The following MPRIP variants were observed in gnomAD, a reference collection of about 807,000 sequenced individuals.
MPRIP encodes the protein myosin phosphatase Rho interacting protein, also known as myosin phosphatase Rho-interacting protein.
A neutral mutation model predicts 234.9 loss-of-function variants in MPRIP; 59 were observed. That is an observed-to-expected ratio of 0.25 (90% CI 0.20 to 0.31). The LOEUF (loss-of-function observed/expected upper bound fraction) is 0.31, where lower values mean the gene tolerates loss of function less well. Ranked by LOEUF, MPRIP falls within the 10% of genes least tolerant of loss-of-function variation. The probability of loss-of-function intolerance (pLI) is 1.00; values close to 1 mark genes in which losing one functional copy is unlikely to be tolerated. For missense variants in MPRIP, 2,436 were observed against 3,071.0 expected (o/e 0.79, Z 4.89); for synonymous variants, 1,144 against 1,263.9 (o/e 0.91, Z 2.01).
rs1410247145 is a variant in MPRIP, at chr17:17,164,386, G to A, written c.2795G>A (p.Gly932Asp). The change falls in exon 16 of 24, where the codon GGC becomes GAC. Residue 932 changes from glycine (G) to aspartate (D), a missense_variant. Gly to Asp is a moderately conservative substitution (Grantham distance 94). Around this residue, in one of 4 missense-constraint regions of MPRIP, gnomAD observed 1,998 missense variants for 2,520.3 expected, o/e 0.79. Transcript: ENST00000651222. Reference protein sequence around the residue: ...KLKGDLKREQGRVREQLEERQ... With the variant: ...KLKGDLKREQDRVREQLEERQ... ...AAGGGCGACCTGAAGCGGGAGCAGG[G>A]CCGGGTCCGCGAGCAGCTGGAGGAG... is the stretch of plus-strand genomic sequence containing the variant. 3 of 1,291,462 alleles carry A rather than the reference G, an allele frequency of 2.3e-6. No individual in the cohort carries two copies. Among genetic ancestry groups the A allele is most frequent in the South Asian group, 2.5e-5 (2 of 80,836 alleles). 80.0% of individuals were successfully genotyped at this position (1,291,462 alleles called of 1,614,324 possible).
rs1175485323 is a variant in MPRIP at position 17,185,528 on chromosome 17, TTTTG to T, written c.*642_*645del. The T allele has an allele frequency of 4.4e-6, 2 of 457,244 alleles. No individual in the cohort carries two copies. The highest frequency in any genetic ancestry group is 8.8e-6 in the Non-Finnish European group (2 of 227,110). 28.3% of individuals were successfully genotyped at this position (457,244 alleles called of 1,614,324 possible). On this transcript the variant is annotated 3_prime_UTR_variant, in exon 24 of 24. Coordinates refer to ENST00000651222, the MANE Select transcript of MPRIP (RefSeq NM_001364716.4). ...AAATGTTGAAAGCAACCATTCCTAT[TTTTG>T]TTTGTTTTTTATTAAATCTTGCACA... is the stretch of plus-strand genomic sequence containing the variant.
chr17:17,086,778 G>A (rs1242860041), intron 3 of MPRIP, among the ~76,000 whole-genome samples: 3 of 152,146 alleles, frequency 2.0e-5, no homozygotes, highest in African/African-American at 4.8e-5. Context: ...TGTAATTTAC[G>A]GTGACTCATG....
rs750506056 is a variant in MPRIP at position 17,154,284 on chromosome 17, G to A, written c.1720-22G>A. ...GCACCCTAGGGGACAGTCACTGATGGTGCCTCATCTTTTCTCTGTAGACAA... is the reference window on the plus strand; with the variant it reads ...GCACCCTAGGGGACAGTCACTGATGATGCCTCATCTTTTCTCTGTAGACAA... On this transcript the variant is annotated intron_variant, in intron 12 of 23. Coordinates refer to ENST00000651222, the MANE Select transcript of MPRIP (RefSeq NM_001364716.4). 1.6e-5 allele frequency: 25 copies of A among 1,608,876 alleles called. No individual in the cohort carries two copies. In the East Asian group the frequency reaches 5.6e-4, roughly 36 times the overall value.
At chr17:17,088,128 C>G (rs891822668) in intron 3 of MPRIP, among the ~76,000 whole-genome samples, 1 of 152,188 alleles carries the variant, frequency 6.6e-6, no homozygotes, top group Non-Finnish European at 1.5e-5. Flanking sequence ...GCTCTCTGTT[C>G]AGACTTTTGC....
chr17:17,114,500 A>G (rs549978551), intron 3 of MPRIP, among the ~76,000 whole-genome samples: 3 of 152,166 alleles, frequency 2.0e-5, no homozygotes, highest in Admixed American at 1.3e-4. Flanking sequence ...CCAGTGTTAC[A>G]GGGCTTTTTT....
intron 3 of MPRIP, among the ~76,000 whole-genome samples, chr17:17,115,462 T>C (rs1252684733): frequency 6.6e-6 from 1 of 152,236 alleles, no homozygotes; most frequent in Non-Finnish European, 1.5e-5. Flanking sequence ...TTTCTCGTGA[T>C]GGAGCCATGA....
intron 3 of MPRIP, among the ~76,000 whole-genome samples, chr17:17,113,994 G>A (rs746794726): frequency 3.3e-5 from 5 of 150,294 alleles, no homozygotes; most frequent in Non-Finnish European, 7.4e-5. Context: ...CTGGGCTCAA[G>A]GGATCCTCCC....
At chr17:17,051,795 G>A (rs1439124718) in intron 1 of MPRIP, among the ~76,000 whole-genome samples, 1 of 152,206 alleles carries the variant, frequency 6.6e-6, no homozygotes, top group Non-Finnish European at 1.5e-5. Flanking sequence ...ACCACTCACT[G>A]GTTTTCTCAG....
Position 17,164,558 on chromosome 17 carries a change from G to T in MPRIP, c.2967G>T (p.Glu989Asp). The T allele has an allele frequency of 1.7e-6, 2 of 1,210,220 alleles. No individual in the cohort carries two copies. The highest frequency in any genetic ancestry group is 2.1e-6 in the Non-Finnish European group (2 of 947,072). The allele number at this position is 1,210,220 out of a possible 1,614,324, so 75.0% of individuals were successfully genotyped here. ...CGCTGCAGCGGGACCGGCAGAAGGA[G>T]GTCCAGAGGCTGCAGGAGCGCATTG... ...QQALQRDRQK[E>D]VQRLQERIAD... is the part of the protein sequence containing the mutation. Residue 989 changes from glutamate to aspartate, a missense_variant, in exon 16 of 24, where the codon GAG becomes GAT. Physicochemically the swap from Glu to Asp is conservative, Grantham distance 45. Around this residue, in one of 4 missense-constraint regions of MPRIP, gnomAD observed 1,998 missense variants for 2,520.3 expected, o/e 0.79. Transcript: ENST00000651222.
At chr17:17,145,772 A>C (rs991100308) in intron 9 of MPRIP, among the ~76,000 whole-genome samples, 1 of 152,214 alleles carries the variant, frequency 6.6e-6, no homozygotes, top group Non-Finnish European at 1.5e-5. Flanking sequence ...CGGAGCCCAC[A>C]CTGCTCACAG....
intron 3 of MPRIP, among the ~76,000 whole-genome samples, chr17:17,122,335 GTTTTTTTGTTTAT>G (rs1567729323): frequency 6.6e-6 from 1 of 151,784 alleles, no homozygotes; most frequent in Non-Finnish European, 1.5e-5. Flanking sequence ...TCATTTTGTT[GTTTTTTTGTTTAT>G]TTGTTTTGTT....
chr17:17,150,347 T>TGCAGCGTGTATGGC lies in MPRIP; in HGVS notation c.1719+114_1719+115insGCAGCGTGTATGGC. On this transcript the variant is annotated intron_variant, in intron 12 of 23. Coordinates refer to ENST00000651222, the MANE Select transcript of MPRIP (RefSeq NM_001364716.4). The stretch of plus-strand genomic sequence containing the variant: ...GACAGGCCTGATGCAGCGTGTATGG[T>TGCAGCGTGTATGGC]CAGCACTTAGTCTTTCCCACTACCC... The TGCAGCGTGTATGGC allele has an allele frequency of 4.1e-6, 3 of 735,216 alleles. No homozygotes were observed. In the Admixed American group the frequency reaches 7.0e-5, roughly 17 times the overall value. The allele number at this position is 735,216 out of a possible 1,614,324, so 45.5% of individuals were successfully genotyped here. A position where few individuals can be genotyped will look rare whatever the true frequency, so the allele number is the denominator to read the frequency against.
chr17:17,046,493 A>G (rs567879334), intron 1 of MPRIP, among the ~76,000 whole-genome samples: 56 of 152,228 alleles, frequency 3.7e-4, no homozygotes, highest in Non-Finnish European at 7.5e-4. Context: ...TTGCCTTCCA[A>G]AAAAGGCTGT....
chr17:17,175,196 T>C, intron 19 of MPRIP, 97 bp from the exon 20 acceptor site: 2 of 1,567,702 alleles, frequency 1.3e-6, no homozygotes, highest in South Asian at 2.2e-5. Context: ...GTTCCACAGA[T>C]ACACAAAGAA....
rs573718763 is a variant in MPRIP, at chr17:17,173,022, C to T, written c.6590+207C>T. Among the ~76,000 whole-genome samples the T allele has an allele frequency of 3.0e-4, 46 of 152,356 alleles. No individual in the cohort carries two copies. In the Middle Eastern group the frequency reaches 0.01, roughly 34 times the overall value. ...TCCTTTATTCAGAGAGACTGTTCCT[C>T]GAAATGCCAAGAACGAGATGTAACA... On this transcript the variant is annotated intron_variant, in intron 18 of 23. Coordinates refer to ENST00000651222, the MANE Select transcript of MPRIP (RefSeq NM_001364716.4).
At chr17:17,172,218 G>A (rs1158002609) in intron 17 of MPRIP, among the ~76,000 whole-genome samples, 7 of 152,238 alleles carry the variant, frequency 4.6e-5, no homozygotes, top group South Asian at 2.1e-4. Context: ...GACCACCTCT[G>A]GCCAGAATGC....
chr17:17,093,083 G>A (rs754300016), intron 3 of MPRIP, among the ~76,000 whole-genome samples: 3 of 152,218 alleles, frequency 2.0e-5, no homozygotes, highest in Non-Finnish European at 4.4e-5. Context: ...GGATAAACGG[G>A]TGGCAACGGC....
chr17:17,177,296 T>G lies in MPRIP; in HGVS notation c.7004T>G (p.Leu2335Arg), dbSNP rs1288443841. 1.6e-5 allele frequency: 26 copies of G among 1,613,926 alleles called. No homozygotes were observed. The highest frequency in any genetic ancestry group is 2.2e-5 in the Non-Finnish European group (26 of 1,180,028). ...AAGTACAAAGACATCTACACAGAGC[T>G]CAGCATCGCGAAGGCTAAGGCTGAC... ...SDKYKDIYTE[L>R]SIAKAKADCD... Residue 2335 changes from leucine (L) to arginine (R), a missense_variant, in exon 22 of 24, where the codon CTC (leucine) becomes CGC (arginine). Coordinates refer to ENST00000651222, the MANE Select transcript of MPRIP (RefSeq NM_001364716.4).
chr17:17,077,933 G>C, intron 2 of MPRIP, 78 bp from the exon 3 acceptor site: 1 of 1,417,408 alleles, frequency 7.1e-7, no homozygotes, highest in Non-Finnish European at 1.0e-6. Context: ...GGACTTGTCA[G>C]ACGTGGGAAC....
Sources: allele counts gnomAD v4.1 joint callset (sites outside exome capture counted in the v4.1 genomes callset), GRCh38; gene constraint gnomAD v4.1.1; regional missense constraint gnomAD v4.1.1; transcripts MANE v1.5; gene names NCBI Gene and HGNC (gene_info 2026-07-23, HGNC 2026-07-21).